The following UTS2B variants were observed in gnomAD, a reference collection of about 807,000 sequenced individuals.
The protein encoded by UTS2B is urotensin 2B, also known as urotensin-2B.
A neutral mutation model predicts 19.2 loss-of-function variants in UTS2B; 21 were observed. The observed-to-expected ratio is 1.09, with a 90% CI of 0.78 to 1.58. The LOEUF (loss-of-function observed/expected upper bound fraction) is 1.58, where lower values mean the gene tolerates loss of function less well. Among genes scored for constraint, UTS2B ranks in the 40% most tolerant of loss-of-function variants. UTS2B has a pLI of 0.00. For synonymous variants in UTS2B, 57 were observed against 50.2 expected (o/e 1.14, Z -0.58); for missense variants, 138 against 130.3 (o/e 1.06, Z -0.29).
chr3:191,296,997 G>A (rs1218256908), intron 4 of UTS2B, among the ~76,000 whole-genome samples: 1 of 152,154 alleles, frequency 6.6e-6, no homozygotes, highest in African/African-American at 2.4e-5. Flanking sequence ...GCAATAAACT[G>A]TAATGATGCT....
At chr3:191,324,085 T>G (rs1717679136) in intron 2 of UTS2B, among the ~76,000 whole-genome samples, 1 of 152,152 alleles carries the variant, frequency 6.6e-6, no homozygotes, top group Non-Finnish European at 1.5e-5. Context: ...ATGAATGCAT[T>G]AATCCATTGC....
At chr3:191,294,685 G>A (rs996738456) in intron 4 of UTS2B, 2 of 150,744 alleles carry the variant, frequency 1.3e-5, no homozygotes, top group South Asian at 4.2e-4. Flanking sequence ...TTTATAGCTT[G>A]CATCTTTAAT....
chr3:191,287,214 T>C (rs964762232), intron 4 of UTS2B, among the ~76,000 whole-genome samples: 2 of 152,104 alleles, frequency 1.3e-5, no homozygotes. Flanking sequence ...TGTCACACTC[T>C]TCCAAAAAAT....
intron 2 of UTS2B, among the ~76,000 whole-genome samples, chr3:191,318,397 C>G (rs1010994417): frequency 2.6e-5 from 4 of 152,172 alleles, no homozygotes; most frequent in African/African-American, 9.7e-5. Flanking sequence ...AGGCCTCCTG[C>G]AGAAAAGTTG....
At chr3:191,325,242 T>C (rs1006421434) in intron 2 of UTS2B, among the ~76,000 whole-genome samples, 9 of 152,100 alleles carry the variant, frequency 5.9e-5, no homozygotes, top group African/African-American at 2.2e-4. Context: ...AATAAGGGTA[T>C]GTAGTAGGTG....
the UTS2B span, among the ~76,000 whole-genome samples, chr3:191,341,622 C>T: frequency 3.3e-5 from 5 of 152,184 alleles, no homozygotes; most frequent in African/African-American, 4.8e-5. Context: ...CTTTTCTCTT[C>T]TCAGAGTGCT....
chr3:191,329,787 T>C, intron 1 of UTS2B: 1 of 1,548,098 alleles, frequency 6.5e-7, no homozygotes, highest in South Asian at 1.2e-5. Flanking sequence ...TTCTCTCAGG[T>C]CAGGGGCGTT....
At chr3:191,339,801 C>A in the UTS2B span, among the ~76,000 whole-genome samples, 9 of 152,198 alleles carry the variant, frequency 5.9e-5, no homozygotes, top group African/African-American at 1.7e-4. Flanking sequence ...TCTGTGAGAA[C>A]TATTAGTTGA....
chr3:191,301,431 G>A (rs1716995223), intron 4 of UTS2B, among the ~76,000 whole-genome samples: 1 of 151,232 alleles, frequency 6.6e-6, no homozygotes, highest in Non-Finnish European at 1.5e-5. Context: ...AGTTATAGAT[G>A]AAGTTAGATA....
intron 2 of UTS2B, among the ~76,000 whole-genome samples, chr3:191,326,858 G>A (rs1376494194): frequency 6.6e-6 from 1 of 152,232 alleles, no homozygotes; most frequent in African/African-American, 2.4e-5. Flanking sequence ...AACAGGTGTG[G>A]AGTAGGAGAA....
upstream of UTS2B, among the ~76,000 whole-genome samples, chr3:191,332,684 G>C (rs933407050): frequency 1.3e-5 from 2 of 152,134 alleles, no homozygotes; most frequent in African/African-American, 4.8e-5. Flanking sequence ...ACATATTTTT[G>C]TAAAAAACTT....
At chr3:191,327,213 A>G (rs899266896) in intron 2 of UTS2B, among the ~76,000 whole-genome samples, 6 of 152,206 alleles carry the variant, frequency 3.9e-5, no homozygotes, top group Non-Finnish European at 8.8e-5. Flanking sequence ...GAACTAGGGG[A>G]GGCCGGGCGT....
chr3:191,313,725 CTTTTT>C (rs57398216), intron 3 of UTS2B, among the ~76,000 whole-genome samples: 5 of 109,120 alleles, frequency 4.6e-5, no homozygotes, highest in Admixed American at 1.1e-4. Context: ...CTCCACTTTC[CTTTTT>C]TTTTTTTTTT....
chr3:191,337,168 GA>G, the UTS2B span, among the ~76,000 whole-genome samples: 24,791 of 141,002 alleles, frequency 0.18, 3,118 homozygotes, highest in African/African-American at 0.37. Context: ...ATACTAGACA[GA>G]AAAAAAAAAA....
rs143405925 is a variant in UTS2B, at chr3:191,285,735, A to C, written c.-124-3422T>G. ...GCCAACATGGTGAAACCCTGTCTCT[A>C]CCAAAACACAAAAATTAGCTGGGTG... On this transcript the variant is annotated intron_variant, in intron 4 of 8. Coordinates refer to ENST00000340524, the MANE Select transcript of UTS2B (RefSeq NM_198152.5). Among the ~76,000 whole-genome samples the C allele has an allele frequency of 2.6e-3, 393 of 152,172 alleles. 7 individuals are homozygous for C. The highest frequency in any genetic ancestry group is 8.6e-3 in the African/African-American group (356 of 41,524).
At chr3:191,337,470 G>GA in the UTS2B span, among the ~76,000 whole-genome samples, 2 of 151,496 alleles carry the variant, frequency 1.3e-5, no homozygotes, top group African/African-American at 2.4e-5. Context: ...TCAGCCTCCC[G>GA]AGTAGCTGGG....
chr3:191,300,815 A>G (rs140792212), intron 4 of UTS2B, among the ~76,000 whole-genome samples: 33 of 152,194 alleles, frequency 2.2e-4, no homozygotes, highest in Non-Finnish European at 4.4e-4. Flanking sequence ...GCCATGTAAG[A>G]TGTGCCTGCT....
intron 4 of UTS2B, chr3:191,294,873 A>G (rs541463127): frequency 6.6e-6 from 1 of 151,972 alleles, no homozygotes; most frequent in East Asian, 1.9e-4. Flanking sequence ...TACTAAAAAT[A>G]CAAAAACAGT....
the UTS2B span, among the ~76,000 whole-genome samples, chr3:191,337,829 G>GT: frequency 3.3e-4 from 48 of 147,378 alleles, no homozygotes; most frequent in South Asian, 1.9e-3. Context: ...GTTTCCTTAC[G>GT]TTTTTTTTTT....
Sources: allele counts gnomAD v4.1 joint callset (sites outside exome capture counted in the v4.1 genomes callset), GRCh38; gene constraint gnomAD v4.1.1; transcripts MANE v1.5; gene names NCBI Gene and HGNC (gene_info 2026-07-23, HGNC 2026-07-21).